The following GALNTL6 variants were observed in gnomAD, a reference collection of about 807,000 sequenced individuals.
The protein encoded by GALNTL6 is polypeptide N-acetylgalactosaminyltransferase like 6, also known as polypeptide N-acetylgalactosaminyltransferase-like 6.
Under a neutral mutation model 73.7 loss-of-function variants are expected in GALNTL6, and 46 were observed. The ratio of observed to expected loss-of-function variants is 0.62; its 90% CI spans 0.49 to 0.80. The LOEUF is 0.80. Ranked by LOEUF, GALNTL6 falls within the 30% of genes least tolerant of loss-of-function variation. The pLI is 0.00. For synonymous variants in GALNTL6, 259 were observed against 263.7 expected (o/e 0.98, Z 0.17); for missense variants, 604 against 755.0 (o/e 0.80, Z 2.34).
chr4:171,832,079 G>A (rs1406465678), intron 2 of GALNTL6, among the ~76,000 whole-genome samples: 1 of 151,180 alleles, frequency 6.6e-6, no homozygotes, highest in East Asian at 1.9e-4. Flanking sequence ...TATATTTTAT[G>A]TAGTTATACA....
At chr4:171,924,366 C>T (rs1737907110) in intron 2 of GALNTL6, among the ~76,000 whole-genome samples, 1 of 152,010 alleles carries the variant, frequency 6.6e-6, no homozygotes, top group Admixed American at 6.6e-5. Context: ...GACATTTGTG[C>T]AAAAACGTTA....
intron 2 of GALNTL6, among the ~76,000 whole-genome samples, chr4:172,179,426 A>T (rs1431311877): frequency 7.4e-6 from 1 of 134,304 alleles, no homozygotes; most frequent in Non-Finnish European, 1.6e-5. Context: ...GCATTTTTTC[A>T]TGTGTTTTTT....
intron 9 of GALNTL6, among the ~76,000 whole-genome samples, chr4:172,938,784 T>C (rs1579681553): frequency 6.6e-6 from 1 of 152,128 alleles, no homozygotes; most frequent in Non-Finnish European, 1.5e-5. Context: ...ATGGGTTTTC[T>C]CCCAAAAAGC....
chr4:172,643,103 T>C (rs1415044017), intron 5 of GALNTL6, among the ~76,000 whole-genome samples: 2 of 128,422 alleles, frequency 1.6e-5, no homozygotes, highest in African/African-American at 6.6e-5. Flanking sequence ...TGAAGATTCT[T>C]TTGTAAAAAA....
chr4:172,927,105 ATCC>A (rs1379011100), intron 8 of GALNTL6, among the ~76,000 whole-genome samples: 1 of 152,188 alleles, frequency 6.6e-6, no homozygotes, highest in African/African-American at 2.4e-5. Context: ...GGGCCTCAGA[ATCC>A]TCCTCTGTAT....
At chr4:172,748,880 TTTGTTGTTGTTGTTGTTGTTGTTGTTG>T (rs142265791) in intron 5 of GALNTL6, among the ~76,000 whole-genome samples, 7 of 149,992 alleles carry the variant, frequency 4.7e-5, no homozygotes, top group East Asian at 3.9e-4. Flanking sequence ...CATATTTTCT[TTTGTTGTTGTTGTTGTTGTTGTTGTTG>T]TTGTTGTTGT....
rs146425340 is a variant in GALNTL6 at position 172,697,806 on chromosome 4, G to A, written c.554-111555G>A. ...CTTACAACAGGATCCATGTGCTCTAGCCTATTTTAATGTTTTTCCTGGGTA... is the reference window on the plus strand; with the variant it reads ...CTTACAACAGGATCCATGTGCTCTAACCTATTTTAATGTTTTTCCTGGGTA... On this transcript the variant is annotated intron_variant, in intron 5 of 12. Transcript: ENST00000506823. Among the ~76,000 whole-genome samples, 262 of 152,110 alleles carry A rather than the reference G, an allele frequency of 1.7e-3. 1 individual carries two copies. The highest frequency in any genetic ancestry group is 6.1e-3 in the African/African-American group (254 of 41,510).
At chr4:172,453,220 T>C (rs1308644912) in intron 5 of GALNTL6, among the ~76,000 whole-genome samples, 2 of 149,266 alleles carry the variant, frequency 1.3e-5, no homozygotes, top group African/African-American at 2.4e-5. Flanking sequence ...AAAAAAAAGA[T>C]GTGCAATGTG....
At chr4:172,608,911 A>G (rs1738412283) in intron 5 of GALNTL6, among the ~76,000 whole-genome samples, 2 of 152,060 alleles carry the variant, frequency 1.3e-5, no homozygotes, top group Admixed American at 1.3e-4. Flanking sequence ...TGCATTCTTA[A>G]TTTGGCTCTC....
chr4:172,798,509 T>C (rs1740415261), intron 5 of GALNTL6, among the ~76,000 whole-genome samples: 3 of 152,192 alleles, frequency 2.0e-5, no homozygotes, highest in Admixed American at 6.5e-5. Flanking sequence ...GTGATTAAGT[T>C]TCCTGAGGCT....
chr4:172,975,949 A>G (rs1198641179), intron 10 of GALNTL6, among the ~76,000 whole-genome samples: 1 of 152,112 alleles, frequency 6.6e-6, no homozygotes, highest in Non-Finnish European at 1.5e-5. Context: ...GCAGGGATGC[A>G]CAGGTCCACA....
chr4:172,420,638 A>G (rs1469670632), intron 5 of GALNTL6, among the ~76,000 whole-genome samples: 2 of 152,128 alleles, frequency 1.3e-5, no homozygotes, highest in Non-Finnish European at 2.9e-5. Flanking sequence ...ATTAGAAGAG[A>G]AAAATGGAAA....
At chr4:172,886,822 CTA>C (rs1195445800) in intron 8 of GALNTL6, among the ~76,000 whole-genome samples, 1 of 152,046 alleles carries the variant, frequency 6.6e-6, no homozygotes, top group Admixed American at 6.5e-5. Flanking sequence ...TTATTAGTCT[CTA>C]TTTTTAAGTT....
intron 2 of GALNTL6, among the ~76,000 whole-genome samples, chr4:171,826,058 A>G (rs1487618413): frequency 6.6e-6 from 1 of 152,222 alleles, no homozygotes; most frequent in Non-Finnish European, 1.5e-5. Context: ...AGTTAAAAGT[A>G]TAAACTGGTA....
intron 2 of GALNTL6, among the ~76,000 whole-genome samples, chr4:171,974,012 A>T (rs925620852): frequency 6.6e-6 from 1 of 151,604 alleles, no homozygotes; most frequent in African/African-American, 2.4e-5. Flanking sequence ...TTATTTATTT[A>T]TTTTTTTGAA....
chr4:172,571,761 A>T (rs893290918), intron 5 of GALNTL6, among the ~76,000 whole-genome samples: 3 of 152,220 alleles, frequency 2.0e-5, no homozygotes, highest in African/African-American at 7.2e-5. Context: ...TTAGGATAAT[A>T]TGGCAAAATT....
intron 7 of GALNTL6, among the ~76,000 whole-genome samples, chr4:172,880,969 T>C (rs1745422599): frequency 6.6e-6 from 1 of 152,204 alleles, no homozygotes. Flanking sequence ...TCTCTAACAC[T>C]GTATCTATGG....
At chr4:172,583,195 T>C (rs1381082619) in intron 5 of GALNTL6, among the ~76,000 whole-genome samples, 2 of 152,006 alleles carry the variant, frequency 1.3e-5, no homozygotes, top group Non-Finnish European at 2.9e-5. Flanking sequence ...AGAAAACATG[T>C]GAGAAAATAC....
At chr4:172,056,068 T>A (rs1731010788) in intron 2 of GALNTL6, among the ~76,000 whole-genome samples, 1 of 152,132 alleles carries the variant, frequency 6.6e-6, no homozygotes, top group South Asian at 2.1e-4. Context: ...AATTGCTGAG[T>A]GAAGATACCT....
Sources: gnomAD v4.1 joint callset for allele counts (sites outside exome capture counted in the v4.1 genomes callset) on GRCh38, gnomAD v4.1.1 for gene constraint, MANE v1.5 for transcripts, NCBI Gene and HGNC (gene_info 2026-07-23, HGNC 2026-07-21) for gene names.